Variants in MAGI2 observed in about 807,000 individuals in gnomAD.
MAGI2 encodes membrane-associated guanylate kinase, WW and PDZ domain-containing protein 2.
Under a neutral mutation model 133.3 loss-of-function variants are expected in MAGI2, and 35 were observed. The observed-to-expected ratio is 0.26, with a 90% confidence interval of 0.20 to 0.35. The LOEUF (loss-of-function observed/expected upper bound fraction) is 0.35, where lower values mean the gene tolerates loss of function less well. MAGI2 is among the 10% of genes least tolerant of loss of function. The probability of loss-of-function intolerance (pLI) is 1.00; values close to 1 mark genes in which losing one functional copy is unlikely to be tolerated. For missense variants in MAGI2, 1,636 were observed against 1,863.4 expected (o/e 0.88, Z 2.25); for synonymous variants, 729 against 710.6 (o/e 1.03, Z -0.41).
chr7:78,741,096 T>C (rs1822375499), intron 2 of MAGI2, among the ~76,000 whole-genome samples: 1 of 152,088 alleles, frequency 6.6e-6, no homozygotes, highest in Non-Finnish European at 1.5e-5. Context: ...TTAACTTGAT[T>C]GGGGAGATTC....
chr7:78,523,352 G>A (rs1379815294), intron 3 of MAGI2, among the ~76,000 whole-genome samples: 2 of 151,960 alleles, frequency 1.3e-5, no homozygotes, highest in Non-Finnish European at 2.9e-5. Context: ...ATTGCCCGAC[G>A]CCCGTAGTCC....
intron 5 of MAGI2, among the ~76,000 whole-genome samples, chr7:78,497,735 T>TCTAC (rs1043115184): frequency 8.2e-6 from 1 of 121,538 alleles, no homozygotes; most frequent in African/African-American, 2.8e-5. Context: ...TATCTATCTA[T>TCTAC]CTATCTATCT....
chr7:78,343,910 T>C lies in MAGI2; in HGVS notation c.1276A>G (p.Ser426Gly). 3 of 1,612,710 alleles carry C rather than the reference T, an allele frequency of 1.9e-6. No homozygotes were observed. Among genetic ancestry groups the C allele is most frequent in the East Asian group, 2.2e-5 (1 of 44,798 alleles). ...ATGTTGCTCTTTTTTAGGGTGGTGC[T>C]GAGGAATGTTCCCTTCAACTGGGAT... ...DASQLKGTFL[S>G]TTLKKSNMGF... is the part of the protein sequence containing the mutation. The change falls in exon 9 of 22, where the codon AGC (serine) becomes GGC (glycine). Residue 426 changes from serine (S) to glycine (G), a missense_variant. This residue lies in a region of MAGI2 where 920 missense variants were observed against 1,093.5 expected (regional missense o/e 0.84). Coordinates refer to ENST00000354212, the MANE Select transcript of MAGI2 (RefSeq NM_012301.4).
intron 1 of MAGI2, among the ~76,000 whole-genome samples, chr7:79,213,939 G>A (rs533510510): frequency 6.6e-5 from 10 of 151,908 alleles, no homozygotes; most frequent in South Asian, 2.1e-4. Context: ...GGACTATCAC[G>A]GAAAATTAAT....
At chr7:78,245,691 G>T (rs1791696597) in intron 10 of MAGI2, among the ~76,000 whole-genome samples, 1 of 152,026 alleles carries the variant, frequency 6.6e-6, no homozygotes, top group Non-Finnish European at 1.5e-5. Context: ...AGGTAAGCAG[G>T]TGGACCCCAG....
At chr7:78,598,823 T>C (rs532950315) in intron 3 of MAGI2, among the ~76,000 whole-genome samples, 1 of 152,218 alleles carries the variant, frequency 6.6e-6, no homozygotes, top group South Asian at 2.1e-4. Context: ...AGTAAACATG[T>C]TTCTGGCTTG....
At chr7:78,514,271 CATT>C (rs924388358) in intron 4 of MAGI2, among the ~76,000 whole-genome samples, 23 of 150,062 alleles carry the variant, frequency 1.5e-4, no homozygotes, top group African/African-American at 5.4e-4. Flanking sequence ...ATATAATTAC[CATT>C]ATAATTATAA....
At chr7:78,482,105 A>G (rs1792453025) in intron 6 of MAGI2, among the ~76,000 whole-genome samples, 1 of 151,982 alleles carries the variant, frequency 6.6e-6, no homozygotes, top group Non-Finnish European at 1.5e-5. Flanking sequence ...CAGATTTGCC[A>G]CTAATTAGGA....
chr7:78,704,047 T>G (rs2151157542), intron 2 of MAGI2, among the ~76,000 whole-genome samples: 1 of 152,124 alleles, frequency 6.6e-6, no homozygotes, highest in South Asian at 2.1e-4. Flanking sequence ...CAAAAGCAAT[T>G]GCAACAGAAA....
chr7:78,204,396 C>A (rs1829542042), intron 10 of MAGI2, among the ~76,000 whole-genome samples: 1 of 152,076 alleles, frequency 6.6e-6, no homozygotes, highest in South Asian at 2.1e-4. Context: ...ATCTCTTCAC[C>A]CATTTTCATA....
intron 17 of MAGI2, 38 bp downstream of exon 17, chr7:78,134,983 G>A (rs888961432): frequency 6.3e-7 from 1 of 1,593,060 alleles, no homozygotes; most frequent in Non-Finnish European, 8.6e-7. Context: ...GTGTCCATGT[G>A]TTGGCCGCCT....
At chr7:79,062,395 T>G (rs17151906) in intron 1 of MAGI2, among the ~76,000 whole-genome samples, 14,556 of 152,204 alleles carry the variant, frequency 0.096, 706 homozygotes, top group Admixed American at 0.12. Flanking sequence ...TGAAACTGTA[T>G]AGAGATGACT....
At chr7:78,434,114 C>A (rs539181739) in intron 6 of MAGI2, among the ~76,000 whole-genome samples, 2 of 152,172 alleles carry the variant, frequency 1.3e-5, no homozygotes, top group South Asian at 2.1e-4. Context: ...TTAGATGATG[C>A]CAAGATCAAA....
intron 2 of MAGI2, among the ~76,000 whole-genome samples, chr7:78,866,569 C>G (rs1262003547): frequency 3.3e-5 from 5 of 151,936 alleles, no homozygotes; most frequent in Non-Finnish European, 7.4e-5. Flanking sequence ...TAGTCAATCC[C>G]CTATGGTCCT....
intron 20 of MAGI2, among the ~76,000 whole-genome samples, chr7:78,095,090 C>G (rs1340837519): frequency 6.6e-6 from 1 of 152,136 alleles, no homozygotes; most frequent in Admixed American, 6.5e-5. Context: ...TATGGCAGAT[C>G]TTAATCAAGT....
At position 79,245,287 on chromosome 7, in the gene MAGI2, C is replaced by G. The variant is rs530804796; in HGVS notation, c.301+207733G>C. 6.0e-4 allele frequency among the ~76,000 whole-genome samples: 92 copies of G among 152,286 alleles called. 2 individuals carry two copies. The highest frequency in any genetic ancestry group is 2.1e-3 in the African/African-American group (89 of 41,562). On this transcript the variant is annotated intron_variant, in intron 1 of 21. Coordinates refer to ENST00000354212, the MANE Select transcript of MAGI2 (RefSeq NM_012301.4). ...GGGACTTCATCTGTCAGCATAGGTACTAACATGACCACAGAGGGATGGTGC... is the reference window on the plus strand; with the variant it reads ...GGGACTTCATCTGTCAGCATAGGTAGTAACATGACCACAGAGGGATGGTGC...
At chr7:78,148,171 C>G (rs1235039181) in intron 16 of MAGI2, among the ~76,000 whole-genome samples, 1 of 152,110 alleles carries the variant, frequency 6.6e-6, no homozygotes, top group African/African-American at 2.4e-5. Flanking sequence ...GATAAGCAAA[C>G]TATGGTGCGT....
At chr7:78,113,337 G>T (rs1424573947) in intron 20 of MAGI2, among the ~76,000 whole-genome samples, 6 of 152,106 alleles carry the variant, frequency 3.9e-5, no homozygotes, top group Non-Finnish European at 8.8e-5. Context: ...AATACAAGTT[G>T]ATTTGTATTT....
chr7:79,245,745 C>T (rs2129555321), intron 1 of MAGI2, among the ~76,000 whole-genome samples: 1 of 152,308 alleles, frequency 6.6e-6, no homozygotes, highest in African/African-American at 2.4e-5. Flanking sequence ...TGTCAGGCTT[C>T]ACTATCTGCT....
Sources: gnomAD v4.1 joint callset for allele counts (sites outside exome capture counted in the v4.1 genomes callset) on GRCh38, gnomAD v4.1.1 for gene constraint, gnomAD v4.1.1 regional missense constraint, MANE v1.5 for transcripts, NCBI Gene and HGNC (gene_info 2026-07-23, HGNC 2026-07-21) for gene names.